EHBP1L1: variants seen among roughly 807,000 people sequenced by gnomAD.
EHBP1L1 encodes EH domain binding protein 1 like 1.
EHBP1L1 carries 122 observed loss-of-function variants against 151.1 expected under a neutral mutation model. The ratio of observed to expected loss-of-function variants is 0.81; its 90% CI spans 0.70 to 0.94. The LOEUF (loss-of-function observed/expected upper bound fraction) is 0.94. Ranked by LOEUF, EHBP1L1 falls within the 40% of genes least tolerant of loss-of-function variation. EHBP1L1 has a pLI of 0.00. For synonymous variants in EHBP1L1, 878 were observed against 810.1 expected, an observed-to-expected ratio of 1.08 and a Z score of -1.42; for missense variants, 1,941 against 1,959.8, an observed-to-expected ratio of 0.99 and a Z score of 0.18.
chr11:65,581,994 A>G lies in EHBP1L1; in HGVS notation c.1322A>G (p.Glu441Gly). 6.2e-7 allele frequency: 1 copy of G among 1,613,800 alleles called. No individual in the cohort carries two copies. The highest frequency in any genetic ancestry group is 8.5e-7 in the Non-Finnish European group (1 of 1,179,860). The change falls in exon 9 of 19, where the codon GAG (glutamate) becomes GGG (glycine). Residue 441 changes from glutamate (E) to glycine (G), a missense_variant. Transcript: ENST00000309295. ...KVRHVDTKGP[E>G]ATGVMPEARC... Reference sequence around the variant, plus strand: ...AGACATGTGGACACTAAGGGACCAGAGGCGACAGGGGTGATGCCTGAGGCA... The same window carrying G: ...AGACATGTGGACACTAAGGGACCAGGGGCGACAGGGGTGATGCCTGAGGCA...
At chr11:65,591,766 A>ACCCCCCCCCCCCCCCCCCCCCCCCCC (rs71036214) in intron 16 of EHBP1L1, 34 bp from the exon 17 acceptor site, 13 of 808,302 alleles carry the variant, frequency 1.6e-5, no homozygotes, top group Admixed American at 2.1e-5. Flanking sequence ...CTGAACTGCC[A>ACCCCCCCCCCCCCCCCCCCCCCCCCC]CCCCCCCGCC....
At chr11:65,587,976 A>C (rs1858059436) in intron 12 of EHBP1L1, among the ~76,000 whole-genome samples, 1 of 152,224 alleles carries the variant, frequency 6.6e-6, no homozygotes. Flanking sequence ...TGCTGTTATT[A>C]GTCAGTGTAC....
rs769231487 is a variant in EHBP1L1, at chr11:65,579,378, G to A, written c.200G>A (p.Arg67Gln). 1.1e-5 allele frequency: 17 copies of A among 1,576,624 alleles called. No homozygotes were observed. Among genetic ancestry groups the A allele is most frequent in the African/African-American group, 9.4e-5 (7 of 74,312 alleles). The change falls in exon 3 of 19, where the codon CGG becomes CAG. Residue 67 changes from arginine (R) to glutamine (Q), a missense_variant. Transcript: ENST00000309295. ...SWQPGIQNPY[R>Q]GTVVWMVPEN... Reference sequence around the variant, plus strand: ...CAGCCGGGCATCCAGAACCCATACCGGGGCACCGTGGTGTGGATGGTACCT... The same window carrying A: ...CAGCCGGGCATCCAGAACCCATACCAGGGCACCGTGGTGTGGATGGTACCT...
rs758395493 is a variant in EHBP1L1, at chr11:65,582,844, A to T, written c.2172A>T (p.Leu724Phe). The change falls in exon 9 of 19, where the codon TTA (leucine) becomes TTT (phenylalanine). Residue 724 changes from leucine to phenylalanine, a missense_variant. Physicochemically the swap from Leu to Phe is conservative, Grantham distance 22. Transcript: ENST00000309295. ...CTGAGGGGACAGAAGCTAAAATATT[A>T]GGGACCCAGGAGATAACAGCTAGGG... ...SEAEGTEAKI[L>F]GTQEITARDS... 3 of 1,613,258 alleles carry T rather than the reference A, an allele frequency of 1.9e-6. No individual in the cohort carries two copies. The highest frequency in any genetic ancestry group is 2.5e-6 in the Non-Finnish European group (3 of 1,179,712).
At chr11:65,577,975 G>A (rs1017246983) in intron 1 of EHBP1L1, among the ~76,000 whole-genome samples, 2 of 152,134 alleles carry the variant, frequency 1.3e-5, no homozygotes, top group African/African-American at 2.4e-5. Flanking sequence ...TGCTGCCCTG[G>A]GCCGGATCGT....
In EHBP1L1 at chr11:65,583,547, A is replaced by G. The variant is rs368175347; in HGVS notation, c.2875A>G (p.Met959Val). Residue 959 changes from methionine to valine, a missense_variant, in exon 9 of 19, where the codon ATG becomes GTG. Met to Val is a conservative substitution (Grantham distance 21). Coordinates refer to ENST00000309295, the MANE Select transcript of EHBP1L1 (RefSeq NM_001099409.3). ...SGAWGAQEAE[M>V]KVLESPENKS... The stretch of plus-strand genomic sequence containing the variant: ...GGCTTGGGGGGCCCAGGAAGCAGAG[A>G]TGAAGGTTTTAGAGTCTCCAGAGAA... The G allele has an allele frequency of 6.2e-6, 10 of 1,612,840 alleles. No individual in the cohort carries two copies. Among genetic ancestry groups the G allele is most frequent in the South Asian group, 1.1e-5 (1 of 91,006 alleles).
chr11:65,579,113 G>T lies in EHBP1L1; in HGVS notation c.140G>T (p.Arg47Leu). 6.3e-7 allele frequency: 1 copy of T among 1,595,292 alleles called. No homozygotes were observed. Among genetic ancestry groups the T allele is most frequent in the African/African-American group, 1.3e-5 (1 of 74,694 alleles). The change falls in exon 2 of 19, where the codon CGG (arginine) becomes CTG (leucine). Residue 47 changes from arginine (R) to leucine (L), a missense_variant. Arg to Leu is a moderately radical substitution (Grantham distance 102). Transcript: ENST00000309295. ...AAGCTGGTGGTGGTATGGACCCGTC[G>T]GAACCGACGCATCTGCTCCAAGGTG... Reference protein sequence around the residue: ...PDKLVVVWTRRNRRICSKAHS... With the variant: ...PDKLVVVWTRLNRRICSKAHS...
rs768488181 is a variant in EHBP1L1, at chr11:65,581,406, C to T, written c.866+33C>T. ...TTGGAACCAGCCTCACCCCCCATTG[C>T]CCCCTGATAGGAGCTGCAGTCCTCA... On this transcript the variant is annotated intron_variant, in intron 8 of 18. Transcript: ENST00000309295. 6.7e-6 allele frequency: 10 copies of T among 1,500,364 alleles called. No homozygotes were observed. In the South Asian group the frequency reaches 1.1e-4, roughly 16 times the overall value. 92.9% of individuals were successfully genotyped at this position (1,500,364 alleles called of 1,614,324 possible).
Position 65,592,540 on chromosome 11 carries a change from A to G in EHBP1L1, c.*238A>G, listed in dbSNP as rs1394096920. ...CGCGGCGGGTGCGGGGTCCTCCCCG[A>G]CGGCACGGCCGGGCCGGCGGCCTCG... On this transcript the variant is annotated 3_prime_UTR_variant, in exon 19 of 19. Transcript: ENST00000309295. 1.0e-5 allele frequency: 2 copies of G among 198,904 alleles called. No homozygotes were observed. The highest frequency in any genetic ancestry group is 2.0e-5 in the Non-Finnish European group (2 of 100,496). The allele number at this position is 198,904 out of a possible 1,614,324, so 12.3% of individuals were successfully genotyped here.
chr11:65,582,935 G>A lies in EHBP1L1; in HGVS notation c.2263G>A (p.Glu755Lys). 6.2e-7 allele frequency: 1 copy of A among 1,613,312 alleles called. No individual in the cohort carries two copies. The highest frequency in any genetic ancestry group is 8.5e-7 in the Non-Finnish European group (1 of 1,179,690). Residue 755 changes from glutamate (E) to lysine (K), a missense_variant, in exon 9 of 19, where the codon GAG (glutamate) becomes AAG (lysine). Physicochemically the swap from Glu to Lys is moderately conservative, Grantham distance 56 (BLOSUM62 1). Transcript: ENST00000309295. ...ESDILVAQEIEVGLLGVLGIE... is the reference protein window; with the variant it reads ...ESDILVAQEIKVGLLGVLGIE... ...TGACATATTGGTAGCCCAGGAGATA[G>A]AGGTGGGACTTTTGGGGGTTCTGGG...
At position 65,581,841 on chromosome 11, in the gene EHBP1L1, G is replaced by C; in HGVS notation, c.1169G>C (p.Ser390Thr). 1 of 1,613,682 alleles carries C rather than the reference G, an allele frequency of 6.2e-7. No individual in the cohort carries two copies. Residue 390 changes from serine (S) to threonine (T), a missense_variant, in exon 9 of 19, where the codon AGT (serine) becomes ACT (threonine). By Grantham distance (58) the Ser-to-Thr change is moderately conservative. Transcript: ENST00000309295. Reference protein sequence around the residue: ...EMDTEDRPEASGVDTEPRSGG... With the variant: ...EMDTEDRPEATGVDTEPRSGG... ...GACACTGAGGACAGGCCAGAGGCCA[G>C]TGGGGTGGACACTGAGCCAAGGTCA...
intron 10 of EHBP1L1, 24 bp from the exon 11 acceptor site, chr11:65,584,462 C>T (rs774443390): frequency 6.8e-6 from 11 of 1,613,370 alleles, no homozygotes; most frequent in Non-Finnish European, 9.3e-6. Context: ...TGGACCCAGC[C>T]TCTGACCAGC....
chr11:65,578,910 C>T (rs1252750108), intron 1 of EHBP1L1, among the ~76,000 whole-genome samples, 168 bp from the exon 2 acceptor site: 2 of 152,236 alleles, frequency 1.3e-5, no homozygotes, highest in Non-Finnish European at 2.9e-5. Flanking sequence ...CCACCCTGCA[C>T]CCTGTGGCCC....
chr11:65,591,786 C>A lies in EHBP1L1; in HGVS notation c.4284-14C>A, dbSNP rs766737920. On this transcript the variant is annotated splice_polypyrimidine_tract_variant and intron_variant, in intron 16 of 18. Coordinates refer to ENST00000309295, the MANE Select transcript of EHBP1L1 (RefSeq NM_001099409.3). ...CTGCCACCCCCCCGCCACCCACCCC[C>A]CGCCACCTTCCAGCATGGAGGAGCA... The A allele has an allele frequency of 6.5e-7, 1 of 1,532,408 alleles. No individual in the cohort carries two copies. The allele number at this position is 1,532,408 out of a possible 1,614,324, so 94.9% of individuals were successfully genotyped here.
In EHBP1L1 at chr11:65,585,007, G is replaced by A. The variant is rs1432977098; in HGVS notation, c.3349G>A (p.Ala1117Thr). Residue 1117 changes from alanine to threonine, a missense_variant, in exon 12 of 19, where the codon GCG becomes ACG. Coordinates refer to ENST00000309295, the MANE Select transcript of EHBP1L1 (RefSeq NM_001099409.3). This position sits in a 1 kb window ranked among gnomAD's most constrained non-coding sequence, Gnocchi z 4.0. Reference protein sequence around the residue: ...ALGVSRLLEPADMVLLSVPDK... With the variant: ...ALGVSRLLEPTDMVLLSVPDK... ...GGGCGTGTCGCGGCTGCTGGAGCCC[G>A]CGGACATGGTGCTACTGTCGGTGCC... 11 of 1,534,962 alleles carry A rather than the reference G, an allele frequency of 7.2e-6. No individual in the cohort carries two copies. The highest frequency in any genetic ancestry group is 2.4e-5 in the South Asian group (2 of 84,012).
intron 16 of EHBP1L1, 26 bp from the exon 17 acceptor site, chr11:65,591,774 G>A (rs761422678): frequency 6.2e-5 from 24 of 385,714 alleles, no homozygotes; most frequent in South Asian, 4.1e-4. Flanking sequence ...CCACCCCCCC[G>A]CCACCCACCC....
intron 14 of EHBP1L1, 24 bp downstream of exon 14, chr11:65,590,015 G>A (rs201272913): frequency 1.9e-5 from 31 of 1,607,954 alleles, no homozygotes; most frequent in Non-Finnish European, 2.6e-5. Context: ...AGTGGGAGGA[G>A]CTGATGGGTG....
intron 12 of EHBP1L1, among the ~76,000 whole-genome samples, chr11:65,588,321 G>C (rs1006001030): frequency 6.6e-6 from 1 of 152,220 alleles, no homozygotes; most frequent in African/African-American, 2.4e-5. Flanking sequence ...CCAGGGGGCG[G>C]TGTCTAGGCG....
chr11:65,581,520 C>T lies in EHBP1L1; in HGVS notation c.867-19C>T. The stretch of plus-strand genomic sequence containing the variant: ...GGGCCAAAGCAGCCCCCCAACTCCC[C>T]CTCCTGCTCTCTTCTCAGGTCTTCA... On this transcript the variant is annotated intron_variant, in intron 8 of 18. Transcript: ENST00000309295. The T allele has an allele frequency of 2.0e-6, 3 of 1,467,908 alleles. No homozygotes were observed. In the South Asian group the frequency reaches 4.3e-5, roughly 21 times the overall value. 90.9% of individuals were successfully genotyped at this position (1,467,908 alleles called of 1,614,324 possible). A position where few individuals can be genotyped will look rare whatever the true frequency, so the allele number is the denominator to read the frequency against.
Sources: allele counts gnomAD v4.1 joint callset (sites outside exome capture counted in the v4.1 genomes callset), GRCh38; gene constraint gnomAD v4.1.1; non-coding constraint Gnocchi (gnomAD v3.1); transcripts MANE v1.5; gene names NCBI Gene and HGNC (gene_info 2026-07-23, HGNC 2026-07-21).